PRKN: variants seen among roughly 807,000 people sequenced by gnomAD.
PRKN encodes E3 ubiquitin-protein ligase parkin.
Under a neutral mutation model 59.5 loss-of-function variants are expected in PRKN, and 56 were observed. The observed-to-expected ratio is 0.94, with a 90% CI of 0.76 to 1.18. The LOEUF (loss-of-function observed/expected upper bound fraction) is 1.18, where lower values mean the gene tolerates loss of function less well. Among genes scored for constraint, PRKN ranks in the 50% most tolerant of loss-of-function variants. The pLI, the probability that PRKN is intolerant of heterozygous loss-of-function variation, is 0.00. For missense variants in PRKN, 657 were observed against 596.4 expected, an observed-to-expected ratio of 1.10 and a Z score of -1.06; for synonymous variants, 250 against 222.1, an observed-to-expected ratio of 1.13 and a Z score of -1.12.
Position 162,082,386 on chromosome 6 carries a change from C to T in PRKN, c.535-28212G>A, listed in dbSNP as rs1779092471. On this transcript the variant is annotated intron_variant, in intron 4 of 11. Transcript: ENST00000366898. ...CTAGTCTCAGGTATATCTTTATCAG[C>T]AACGTGAGAACAGACTAATACAGCC... is the stretch of plus-strand genomic sequence containing the variant. Among the ~76,000 whole-genome samples, 9 of 152,150 alleles carry T rather than the reference C, an allele frequency of 5.9e-5. No homozygotes were observed. The South Asian group carries it at 1.9e-3, about 32-fold the overall frequency.
chr6:162,425,549 G>GA (rs1369225671), intron 2 of PRKN, among the ~76,000 whole-genome samples: 1 of 152,060 alleles, frequency 6.6e-6, no homozygotes, highest in Non-Finnish European at 1.5e-5. Context: ...AGTGACATTG[G>GA]AAAAAGAATC....
At chr6:162,423,287 A>AGAGTGACTAACT (rs149889104) in intron 2 of PRKN, among the ~76,000 whole-genome samples, 4,412 of 152,252 alleles carry the variant, frequency 0.029, 232 homozygotes, top group African/African-American at 0.099. Flanking sequence ...AGGAGATGAC[A>AGAGTGACTAACT]GAGTGACTAA....
intron 4 of PRKN, among the ~76,000 whole-genome samples, chr6:162,179,968 C>CTGTG (rs61592555): frequency 0.036 from 5,032 of 139,656 alleles, 214 homozygotes; most frequent in African/African-American, 0.098. Context: ...TATCTTATTA[C>CTGTG]TGTGTGTGTG....
intron 2 of PRKN, among the ~76,000 whole-genome samples, chr6:162,287,277 C>T (rs1337641170): frequency 1.3e-5 from 2 of 152,192 alleles, no homozygotes; most frequent in Non-Finnish European, 2.9e-5. Context: ...TAAAAATTCA[C>T]TGCACATTGC....
intron 1 of PRKN, among the ~76,000 whole-genome samples, chr6:162,690,583 C>G (rs1777737993): frequency 6.6e-6 from 1 of 152,024 alleles, no homozygotes; most frequent in African/African-American, 2.4e-5. Flanking sequence ...TTTCAGGGAC[C>G]AAGAAACAAA....
intron 3 of PRKN, among the ~76,000 whole-genome samples, chr6:162,241,278 T>C (rs1349266603): frequency 6.6e-6 from 1 of 152,178 alleles, no homozygotes; most frequent in African/African-American, 2.4e-5. Context: ...AGAATGTTAT[T>C]GTAAGTAAAT....
chr6:162,116,518 G>T (rs1028346829), intron 4 of PRKN, among the ~76,000 whole-genome samples: 37 of 152,172 alleles, frequency 2.4e-4, no homozygotes, highest in Non-Finnish European at 5.0e-4. Context: ...CAATCAGCTA[G>T]AATCCAATCT....
At chr6:162,391,922 G>A (rs1787218813) in intron 2 of PRKN, among the ~76,000 whole-genome samples, 1 of 152,116 alleles carries the variant, frequency 6.6e-6, no homozygotes, top group Admixed American at 6.5e-5. Flanking sequence ...ACAACTCCAG[G>A]ATTTAAATAG....
chr6:162,420,259 T>TGTG (rs35145413), intron 2 of PRKN, among the ~76,000 whole-genome samples: 22,627 of 80,066 alleles, frequency 0.28, 2,020 homozygotes, highest in East Asian at 0.54. Context: ...CATTTCACAA[T>TGTG]GGCGGGGAGG....
At chr6:161,682,906 C>T (rs538356847) in intron 7 of PRKN, among the ~76,000 whole-genome samples, 1 of 152,264 alleles carries the variant, frequency 6.6e-6, no homozygotes, top group South Asian at 2.1e-4. Flanking sequence ...CCTCGGTGGC[C>T]CAATGGAGAC....
chr6:162,699,730 C>A (rs1778086272), intron 1 of PRKN, among the ~76,000 whole-genome samples: 1 of 152,002 alleles, frequency 6.6e-6, no homozygotes, highest in African/African-American at 2.4e-5. Flanking sequence ...CATACTGAAC[C>A]AAAGCAGGAG....
chr6:161,456,950 G>T lies in PRKN; in HGVS notation c.1084-70073C>A, dbSNP rs1290446984. Among the ~76,000 whole-genome samples the T allele has an allele frequency of 6.6e-6, 1 of 152,160 alleles. No homozygotes were observed. Among genetic ancestry groups the T allele is most frequent in the Non-Finnish European group, 1.5e-5 (1 of 68,048 alleles). On this transcript the variant is annotated intron_variant, in intron 9 of 11. Transcript: ENST00000366898. The surrounding 1 kb of genome is among the most constrained non-coding windows in gnomAD (Gnocchi z 4.8). ...ACTTGGACTTTGAAGCCAAACACTTGCCCTCTCAGAGCCTTTGCCTCCACT... is the reference window on the plus strand; with the variant it reads ...ACTTGGACTTTGAAGCCAAACACTTTCCCTCTCAGAGCCTTTGCCTCCACT...
chr6:162,254,470 A>AT (rs1779565971), intron 3 of PRKN, among the ~76,000 whole-genome samples: 1 of 151,464 alleles, frequency 6.6e-6, no homozygotes, highest in South Asian at 2.1e-4. Context: ...AAAAAAAAAA[A>AT]GGAAATATCC....
intron 4 of PRKN, among the ~76,000 whole-genome samples, chr6:162,091,387 G>A (rs1779489462): frequency 6.6e-6 from 1 of 152,096 alleles, no homozygotes; most frequent in Non-Finnish European, 1.5e-5. Flanking sequence ...GTTTAAAGAG[G>A]CTTTTAAACA....
chr6:162,009,692 T>C (rs1562454647), intron 5 of PRKN, among the ~76,000 whole-genome samples: 1 of 151,778 alleles, frequency 6.6e-6, no homozygotes, highest in Non-Finnish European at 1.5e-5. Context: ...TCCCAGCACT[T>C]TGGGAAGCTG....
chr6:162,196,923 T>C (rs1784516724), intron 4 of PRKN, among the ~76,000 whole-genome samples: 1 of 152,210 alleles, frequency 6.6e-6, no homozygotes. Context: ...ACTCATGATA[T>C]GAGTGGATCT....
chr6:162,414,180 C>T (rs1020337682), intron 2 of PRKN, among the ~76,000 whole-genome samples: 1 of 152,036 alleles, frequency 6.6e-6, no homozygotes, highest in South Asian at 2.1e-4. Context: ...GAGACTCTGT[C>T]TCAACAATAA....
At chr6:162,630,288 G>C (rs933181627) in intron 1 of PRKN, among the ~76,000 whole-genome samples, 1 of 152,064 alleles carries the variant, frequency 6.6e-6, no homozygotes, top group South Asian at 2.1e-4. Flanking sequence ...GTCCTGCCAA[G>C]CTAACAGGTT....
chr6:162,139,488 T>C (rs1306764662), intron 4 of PRKN, among the ~76,000 whole-genome samples: 2 of 152,062 alleles, frequency 1.3e-5, no homozygotes, highest in Admixed American at 1.3e-4. Flanking sequence ...TATGAGGACG[T>C]CGGGTGTGGG....
Sources: gnomAD v4.1 joint callset for allele counts (sites outside exome capture counted in the v4.1 genomes callset) on GRCh38, gnomAD v4.1.1 for gene constraint, Gnocchi (gnomAD v3.1) non-coding constraint, MANE v1.5 for transcripts, NCBI Gene and HGNC (gene_info 2026-07-23, HGNC 2026-07-21) for gene names.